The following BLOC1S5 variants were observed in gnomAD, a reference collection of about 807,000 sequenced individuals.
The protein encoded by BLOC1S5 is biogenesis of lysosomal organelles complex 1 subunit 5.
In BLOC1S5, 27 loss-of-function variants were observed where a neutral mutation model predicts 24.3. The observed-to-expected ratio is 1.11, with a 90% CI of 0.82 to 1.53. The LOEUF is 1.53. BLOC1S5 is among the 40% of genes most tolerant of loss of function. BLOC1S5 has a pLI of 0.00. For missense variants in BLOC1S5, 239 were observed against 229.4 expected (o/e 1.04, Z -0.27); for synonymous variants, 84 against 74.5 (o/e 1.13, Z -0.66).
intron 2 of BLOC1S5, among the ~76,000 whole-genome samples, chr6:8,058,898 C>T (rs1272054010): frequency 1.3e-5 from 2 of 152,222 alleles, no homozygotes; most frequent in Non-Finnish European, 2.9e-5. Flanking sequence ...TAACTAAACA[C>T]ATTCCTTACT....
chr6:8,028,966 T>TA (rs373663378), intron 3 of BLOC1S5, among the ~76,000 whole-genome samples: 22 of 148,688 alleles, frequency 1.5e-4, no homozygotes, highest in Admixed American at 4.7e-4. Context: ...TATATTGACT[T>TA]AAAAAAAAAA....
chr6:8,046,684 C>T (rs553720910), intron 2 of BLOC1S5, among the ~76,000 whole-genome samples: 40 of 152,240 alleles, frequency 2.6e-4, no homozygotes, highest in African/African-American at 8.9e-4. Context: ...TGTTCCATAC[C>T]TCATTCCCTC....
intron 2 of BLOC1S5, among the ~76,000 whole-genome samples, chr6:8,058,828 T>C (rs1764418866): frequency 6.6e-6 from 1 of 152,242 alleles, no homozygotes; most frequent in African/African-American, 2.4e-5. Flanking sequence ...AAACTCTGCA[T>C]ATTGTGATAG....
At chr6:8,037,657 T>G (rs1394707084) in intron 3 of BLOC1S5, among the ~76,000 whole-genome samples, 1 of 152,160 alleles carries the variant, frequency 6.6e-6, no homozygotes, top group Non-Finnish European at 1.5e-5. Context: ...AGACCCTGAA[T>G]AGCCAAAGCA....
chr6:8,059,012 T>C (rs1049751846), intron 2 of BLOC1S5, among the ~76,000 whole-genome samples: 20 of 152,242 alleles, frequency 1.3e-4, no homozygotes, highest in Non-Finnish European at 1.5e-5. Context: ...TCTATAAGCA[T>C]GTCTAAATAC....
chr6:8,017,372 C>T (rs1008164824), intron 4 of BLOC1S5, among the ~76,000 whole-genome samples: 5 of 123,188 alleles, frequency 4.1e-5, no homozygotes, highest in Admixed American at 2.7e-4. Context: ...AGCGAGACTC[C>T]GTCTCAAAAA....
chr6:8,029,549 G>A (rs544291871), intron 3 of BLOC1S5, among the ~76,000 whole-genome samples: 2 of 152,306 alleles, frequency 1.3e-5, no homozygotes, highest in South Asian at 4.1e-4. Flanking sequence ...AAAAAAAGGA[G>A]AGAGGTGCCA....
intron 3 of BLOC1S5, among the ~76,000 whole-genome samples, chr6:8,040,910 A>G (rs565067199): frequency 1.3e-5 from 2 of 152,214 alleles, no homozygotes; most frequent in Non-Finnish European, 2.9e-5. Context: ...ACTTTCTCAC[A>G]TACTAAACAG....
At chr6:8,034,503 A>G (rs1392062895) in intron 3 of BLOC1S5, among the ~76,000 whole-genome samples, 1 of 152,224 alleles carries the variant, frequency 6.6e-6, no homozygotes, top group Non-Finnish European at 1.5e-5. Context: ...GGGAAGGGAT[A>G]GCATTAGGAG....
chr6:8,044,601 T>C (rs1763812880), intron 2 of BLOC1S5, among the ~76,000 whole-genome samples: 1 of 152,200 alleles, frequency 6.6e-6, no homozygotes, highest in Non-Finnish European at 1.5e-5. Context: ...ACTTGCTGAA[T>C]GGCTTTGACA....
intron 4 of BLOC1S5, 66 bp downstream of exon 4, chr6:8,026,301 A>G (rs377766796): frequency 7.2e-5 from 94 of 1,298,616 alleles, no homozygotes; most frequent in Non-Finnish European, 9.7e-5. Flanking sequence ...GATCAAAAGC[A>G]ATTGCTAATA....
intron 2 of BLOC1S5, among the ~76,000 whole-genome samples, chr6:8,052,772 G>A (rs1002791305): frequency 6.6e-6 from 1 of 151,978 alleles, no homozygotes; most frequent in Non-Finnish European, 1.5e-5. Flanking sequence ...GCGGGTGCCT[G>A]TAGTCTCAGC....
At chr6:8,022,610 A>G (rs1762959854) in intron 4 of BLOC1S5, among the ~76,000 whole-genome samples, 3 of 107,222 alleles carry the variant, frequency 2.8e-5, no homozygotes, top group East Asian at 4.1e-4. Flanking sequence ...TTTGAGACGG[A>G]GTCTCGCTCT....
intron 3 of BLOC1S5, among the ~76,000 whole-genome samples, chr6:8,032,917 T>C (rs6931705): frequency 0.039 from 5,940 of 151,750 alleles, 366 homozygotes; most frequent in African/African-American, 0.13. Context: ...ATCCAACGTA[T>C]AAGGGATGTG....
rs1764325641 is a variant in BLOC1S5, at chr6:8,056,787, C to A, written c.195+5747G>T. On this transcript the variant is annotated intron_variant, in intron 2 of 4. Transcript: ENST00000397457. ...ATGCATTTTTCTGGGGAAAAAAATT[C>A]TTAAAGGAGTCCGTGACCTACTAAG... 2.0e-5 allele frequency among the ~76,000 whole-genome samples: 3 copies of A among 152,260 alleles called. No individual in the cohort carries two copies. The South Asian group carries it at 6.2e-4, about 32-fold the overall frequency.
At chr6:8,050,461 TAAAG>T (rs1764068084) in intron 2 of BLOC1S5, among the ~76,000 whole-genome samples, 1 of 151,962 alleles carries the variant, frequency 6.6e-6, no homozygotes, top group South Asian at 2.1e-4. Flanking sequence ...TTCAAGTAAA[TAAAG>T]AGTCATAAAT....
chr6:8,060,686 A>G (rs1177125373), intron 2 of BLOC1S5, among the ~76,000 whole-genome samples: 3 of 152,198 alleles, frequency 2.0e-5, no homozygotes, highest in African/African-American at 7.2e-5. Flanking sequence ...AGTGAAGTAA[A>G]AAGAAGAAAA....
chr6:8,018,818 TCA>T, intron 4 of BLOC1S5, among the ~76,000 whole-genome samples: 1 of 152,246 alleles, frequency 6.6e-6, no homozygotes. Context: ...CCTTGCCATT[TCA>T]GTTTCTGTTC....
At chr6:8,059,534 C>T (rs1764444066) in intron 2 of BLOC1S5, among the ~76,000 whole-genome samples, 1 of 152,202 alleles carries the variant, frequency 6.6e-6, no homozygotes, top group Non-Finnish European at 1.5e-5. Flanking sequence ...TCTGCTTTGC[C>T]ACTCTATCTA....
Sources: gnomAD v4.1 joint callset for allele counts (sites outside exome capture counted in the v4.1 genomes callset) on GRCh38, gnomAD v4.1.1 for gene constraint, MANE v1.5 for transcripts, NCBI Gene and HGNC (gene_info 2026-07-23, HGNC 2026-07-21) for gene names.